The following ANKS1B variants were observed in gnomAD, a reference collection of about 807,000 sequenced individuals.
The protein encoded by ANKS1B is ankyrin repeat and sterile alpha motif domain containing 1B.
ANKS1B carries 36 observed loss-of-function variants against 148.3 expected under a neutral mutation model. The observed-to-expected ratio is 0.24, with a 90% confidence interval of 0.19 to 0.32. The LOEUF is 0.32. Among genes scored for constraint, ANKS1B ranks in the 10% least tolerant of loss-of-function variants. ANKS1B has a pLI of 1.00. For synonymous variants in ANKS1B, 542 were observed against 560.8 expected (o/e 0.97, Z 0.47); for missense variants, 1,157 against 1,542.6 (o/e 0.75, Z 4.19).
At chr12:99,364,802 T>C (rs2092680564) in intron 12 of ANKS1B, among the ~76,000 whole-genome samples, 1 of 152,238 alleles carries the variant, frequency 6.6e-6, no homozygotes, top group African/African-American at 2.4e-5. Flanking sequence ...ACTGATTGCA[T>C]TGCTGACTGC....
intron 8 of ANKS1B, among the ~76,000 whole-genome samples, chr12:99,701,308 G>A (rs557850546): frequency 2.6e-5 from 4 of 152,218 alleles, no homozygotes; most frequent in African/African-American, 4.8e-5. Flanking sequence ...CCAGGGAAAT[G>A]CTAAACAATA....
chr12:98,745,670 C>T lies in ANKS1B; in HGVS notation c.*69G>A, dbSNP rs2097864622. On this transcript the variant is annotated 3_prime_UTR_variant, in exon 27 of 27. Transcript: ENST00000683438. ...CTCCTGGGCTGGGTGGACGCGGAGG[C>T]GCGAAGGAAAGCCTGCTCCGGGACC... 2 of 1,582,898 alleles carry T rather than the reference C, an allele frequency of 1.3e-6. No homozygotes were observed. The highest frequency in any genetic ancestry group is 4.6e-5 in the East Asian group (2 of 43,730).
intron 8 of ANKS1B, among the ~76,000 whole-genome samples, chr12:99,721,045 C>T (rs1193565592): frequency 6.6e-6 from 1 of 152,168 alleles, no homozygotes. Context: ...TTCTCTTATT[C>T]CGTTCAGTTT....
chr12:98,757,939 T>TGTGTGTGTGTGTGTGTGCAC (rs59996852), intron 25 of ANKS1B, among the ~76,000 whole-genome samples: 30,991 of 115,922 alleles, frequency 0.27, 3,264 homozygotes, highest in South Asian at 0.32. Flanking sequence ...TGTGTGCACG[T>TGTGTGTGTGTGTGTGTGCAC]GTGTGTGTGT....
intron 8 of ANKS1B, among the ~76,000 whole-genome samples, chr12:99,700,069 T>C (rs2054566564): frequency 6.6e-6 from 1 of 152,224 alleles, no homozygotes; most frequent in African/African-American, 2.4e-5. Context: ...TTAATGTATT[T>C]GTGAGTTTAC....
intron 17 of ANKS1B, among the ~76,000 whole-genome samples, chr12:98,838,163 A>C (rs564960519): frequency 1.3e-5 from 2 of 152,330 alleles, no homozygotes; most frequent in South Asian, 4.1e-4. Flanking sequence ...TAATTCACTA[A>C]ACATTTCCCC....
At chr12:98,978,199 A>T (rs1389443714) in intron 17 of ANKS1B, among the ~76,000 whole-genome samples, 1 of 151,958 alleles carries the variant, frequency 6.6e-6, no homozygotes, top group Non-Finnish European at 1.5e-5. Flanking sequence ...TTACCTTGCT[A>T]CTTGTTTTCT....
intron 8 of ANKS1B, among the ~76,000 whole-genome samples, chr12:99,731,953 T>C (rs1309810869): frequency 6.6e-6 from 1 of 152,154 alleles, no homozygotes; most frequent in African/African-American, 2.4e-5. Flanking sequence ...AAAGAATTCG[T>C]TCAACTGAAT....
At chr12:99,053,026 G>C in intron 17 of ANKS1B, 131 bp downstream of exon 17, 1 of 801,234 alleles carries the variant, frequency 1.2e-6, no homozygotes, top group Non-Finnish European at 1.8e-6. Flanking sequence ...GAGCTTGAGA[G>C]AGATCGATAT....
At chr12:99,570,485 A>C (rs1312926161) in intron 9 of ANKS1B, among the ~76,000 whole-genome samples, 3 of 152,108 alleles carry the variant, frequency 2.0e-5, no homozygotes, top group African/African-American at 7.2e-5. Flanking sequence ...GTCTCTACTA[A>C]AAATACAAAA....
intron 15 of ANKS1B, among the ~76,000 whole-genome samples, chr12:99,144,611 C>A (rs999800141): frequency 6.6e-6 from 1 of 151,954 alleles, no homozygotes; most frequent in Non-Finnish European, 1.5e-5. Context: ...AATTGTGTCA[C>A]CCCAAATTTA....
chr12:99,936,992 A>C (rs913287716), intron 1 of ANKS1B, among the ~76,000 whole-genome samples: 2 of 152,284 alleles, frequency 1.3e-5, no homozygotes, highest in South Asian at 4.1e-4. Flanking sequence ...CATCCTCATT[A>C]TGTTTCTGGA....
chr12:99,496,062 G>A (rs1384433694), intron 10 of ANKS1B, among the ~76,000 whole-genome samples: 2 of 145,802 alleles, frequency 1.4e-5, no homozygotes, highest in Non-Finnish European at 3.1e-5. Context: ...GCTGCTGAAT[G>A]TGTCCTTTTT....
chr12:98,983,520 A>G (rs1339391578), intron 17 of ANKS1B, among the ~76,000 whole-genome samples: 1 of 152,236 alleles, frequency 6.6e-6, no homozygotes, highest in East Asian at 1.9e-4. Flanking sequence ...CACCATAGTC[A>G]CAAGAATAAT....
chr12:99,773,775 A>G (rs1049352813), intron 7 of ANKS1B, among the ~76,000 whole-genome samples: 4 of 152,118 alleles, frequency 2.6e-5, no homozygotes, highest in African/African-American at 9.7e-5. Context: ...TCAGCTGACT[A>G]TAGATGCATG....
intron 16 of ANKS1B, among the ~76,000 whole-genome samples, chr12:99,060,134 G>C (rs2041901181): frequency 6.6e-6 from 1 of 152,094 alleles, no homozygotes; most frequent in Non-Finnish European, 1.5e-5. Flanking sequence ...AAAAACCTAA[G>C]CTGAGACAGA....
At chr12:98,927,384 G>C (rs1298124134) in intron 17 of ANKS1B, among the ~76,000 whole-genome samples, 1 of 152,028 alleles carries the variant, frequency 6.6e-6, no homozygotes, top group Non-Finnish European at 1.5e-5. Flanking sequence ...ATGCTGGACA[G>C]TAACTCAAAT....
chr12:99,810,344 T>C (rs1044837248), intron 3 of ANKS1B, among the ~76,000 whole-genome samples: 18 of 151,994 alleles, frequency 1.2e-4, no homozygotes, highest in African/African-American at 3.4e-4. Flanking sequence ...ATTTCCTTTA[T>C]TGTTTAAATA....
intron 14 of ANKS1B, among the ~76,000 whole-genome samples, chr12:99,212,095 T>C (rs1453517115): frequency 1.3e-5 from 2 of 152,194 alleles, no homozygotes; most frequent in Non-Finnish European, 2.9e-5. Flanking sequence ...TTGTCTAATG[T>C]GGCATTTGCA....
Sources: allele counts gnomAD v4.1 joint callset (sites outside exome capture counted in the v4.1 genomes callset), GRCh38; gene constraint gnomAD v4.1.1; transcripts MANE v1.5; gene names NCBI Gene and HGNC (gene_info 2026-07-23, HGNC 2026-07-21).